CAMK1D: variants seen among roughly 807,000 people sequenced by gnomAD.
CAMK1D encodes calcium/calmodulin-dependent protein kinase type 1D.
CAMK1D carries 9 observed loss-of-function variants against 47.7 expected under a neutral mutation model. The observed-to-expected ratio is 0.19, with a 90% CI of 0.11 to 0.33. CAMK1D has a LOEUF of 0.33. CAMK1D is among the 10% of genes least tolerant of loss of function. The pLI is 1.00. For missense variants in CAMK1D, 291 were observed against 488.7 expected (o/e 0.60, Z 3.81); for synonymous variants, 184 against 184.9 (o/e 0.99, Z 0.04).
intron 1 of CAMK1D, among the ~76,000 whole-genome samples, chr10:12,462,167 T>TGC (rs1833450815): frequency 6.9e-6 from 1 of 144,208 alleles, no homozygotes; most frequent in Non-Finnish European, 1.5e-5. Flanking sequence ...TTTTTTTTTT[T>TGC]TTTTTTTTTT....
intron 3 of CAMK1D, among the ~76,000 whole-genome samples, chr10:12,680,930 C>T (rs921750933): frequency 6.6e-6 from 1 of 151,886 alleles, no homozygotes; most frequent in African/African-American, 2.4e-5. Context: ...TCAGGCCTCA[C>T]GCTCTGTTCC....
rs61852163 is a variant in CAMK1D, at chr10:12,816,550, A to G, written c.833+222A>G. ...AGCACCATGAGAAGTTAGTATGTGT[A>G]TTCGTCCTTTTTCACGCTGCTGATA... On this transcript the variant is annotated intron_variant, in intron 8 of 10. Coordinates refer to ENST00000619168, the MANE Select transcript of CAMK1D (RefSeq NM_153498.4). Among the ~76,000 whole-genome samples the G allele has an allele frequency of 0.016, 2,387 of 152,156 alleles. 45 individuals are homozygous for G. The highest frequency in any genetic ancestry group is 0.027 in the Middle Eastern group (8 of 294).
Position 12,662,651 on chromosome 10 carries a change from C to CA in CAMK1D, c.225-4072dup, listed in dbSNP as rs56807588. The stretch of plus-strand genomic sequence containing the variant: ...TCGGAGACAGAGCAACACTCTGCCT[C>CA]AAAAAAAAAAAAAGGAGATTGTGTT... On this transcript the variant is annotated intron_variant, in intron 2 of 10. Transcript: ENST00000619168. Among the ~76,000 whole-genome samples, 941 of 140,480 alleles carry CA rather than the reference C, an allele frequency of 6.7e-3. 12 individuals carry two copies. The highest frequency in any genetic ancestry group is 0.024 in the Middle Eastern group (6 of 250). The allele number at this position is 140,480 out of a possible 152,430, so 92.2% of individuals were successfully genotyped here.
rs1409042962 is a variant in CAMK1D, at chr10:12,547,647, C to CCCCG, written c.93-5576_93-5575insCGCC. Among the ~76,000 whole-genome samples the CCCCG allele has an allele frequency of 1.6e-4, 18 of 112,352 alleles. No individual in the cohort carries two copies. In the East Asian group the frequency reaches 4.4e-3, roughly 27 times the overall value. 73.7% of individuals were successfully genotyped at this position (112,352 alleles called of 152,430 possible). On this transcript the variant is annotated intron_variant, in intron 1 of 10. Coordinates refer to ENST00000619168, the MANE Select transcript of CAMK1D (RefSeq NM_153498.4). ...TTTCCTGTCACGAGGACACCCCCCCCCCAACCCTGCACTCTCTCTCTCTCT... is the reference window on the plus strand; with the variant it reads ...TTTCCTGTCACGAGGACACCCCCCCCCCCGCCAACCCTGCACTCTCTCTCTCTCT...
In CAMK1D at chr10:12,349,923, C is replaced by A; in HGVS notation, c.92+13C>A. 6.6e-7 allele frequency: 1 copy of A among 1,513,190 alleles called. No individual in the cohort carries two copies. Among genetic ancestry groups the A allele is most frequent in the South Asian group, 1.2e-5 (1 of 85,038 alleles). The allele number at this position is 1,513,190 out of a possible 1,614,324, so 93.7% of individuals were successfully genotyped here. A position where few individuals can be genotyped will look rare whatever the true frequency, so the allele number is the denominator to read the frequency against. ...AGACCCTCGGAACGTAAGTGGGGAC[C>A]GGGGAGGCGAGGGTGGAGGTGGCCG... On this transcript the variant is annotated intron_variant, in intron 1 of 10. Transcript: ENST00000619168.
At chr10:12,481,011 G>A (rs1451066630) in intron 1 of CAMK1D, among the ~76,000 whole-genome samples, 1 of 152,174 alleles carries the variant, frequency 6.6e-6, no homozygotes, top group Non-Finnish European at 1.5e-5. Flanking sequence ...TTAGTTTATA[G>A]TTTAAATGAT....
intron 2 of CAMK1D, among the ~76,000 whole-genome samples, chr10:12,607,165 G>A (rs776893392): frequency 2.0e-5 from 3 of 152,072 alleles, no homozygotes; most frequent in African/African-American, 7.2e-5. Context: ...CATCTCTCTC[G>A]TCCATACGTG....
intron 1 of CAMK1D, among the ~76,000 whole-genome samples, chr10:12,446,108 A>G (rs1588493897): frequency 6.6e-6 from 1 of 152,302 alleles, no homozygotes; most frequent in East Asian, 1.9e-4. Flanking sequence ...GTTACAGAAA[A>G]GGGGTCATGA....
intron 1 of CAMK1D, among the ~76,000 whole-genome samples, chr10:12,509,042 G>A (rs1834963091): frequency 6.6e-6 from 1 of 152,176 alleles, no homozygotes; most frequent in African/African-American, 2.4e-5. Context: ...GAGAGGGGAT[G>A]TGGGGACAGA....
chr10:12,686,831 G>C (rs1190118632), intron 3 of CAMK1D, among the ~76,000 whole-genome samples: 1 of 152,020 alleles, frequency 6.6e-6, no homozygotes, highest in East Asian at 1.9e-4. Flanking sequence ...GATTAAACAG[G>C]CTCTATTTGT....
chr10:12,413,809 A>G (rs1364263188), intron 1 of CAMK1D, among the ~76,000 whole-genome samples: 1 of 152,170 alleles, frequency 6.6e-6, no homozygotes, highest in African/African-American at 2.4e-5. Context: ...ATATTTTCAC[A>G]GTTTGGAGAT....
At chr10:12,496,759 A>G (rs767238967) in intron 1 of CAMK1D, among the ~76,000 whole-genome samples, 1 of 152,168 alleles carries the variant, frequency 6.6e-6, no homozygotes, top group Non-Finnish European at 1.5e-5. Flanking sequence ...TCTGAGGTCC[A>G]TGTGCAGGAT....
At chr10:12,646,560 G>A (rs972632598) in intron 2 of CAMK1D, among the ~76,000 whole-genome samples, 3 of 152,104 alleles carry the variant, frequency 2.0e-5, no homozygotes, top group Admixed American at 2.0e-4. Context: ...GAAAATGACC[G>A]AACTTCCTTG....
intron 3 of CAMK1D, among the ~76,000 whole-genome samples, chr10:12,685,125 A>AC (rs1230702049): frequency 2.0e-5 from 3 of 152,020 alleles, no homozygotes; most frequent in Admixed American, 6.6e-5. Flanking sequence ...ACATGGTGAA[A>AC]CCCCGTCTGT....
chr10:12,604,937 G>C (rs1056621658), intron 2 of CAMK1D, among the ~76,000 whole-genome samples: 4 of 151,628 alleles, frequency 2.6e-5, no homozygotes, highest in African/African-American at 9.7e-5. Context: ...GCCCAGGCTG[G>C]AGTGCAATGG....
chr10:12,507,646 A>G (rs1834916448), intron 1 of CAMK1D, among the ~76,000 whole-genome samples: 1 of 152,142 alleles, frequency 6.6e-6, no homozygotes, highest in African/African-American at 2.4e-5. Flanking sequence ...CATTGCACAG[A>G]GGCACTGCGG....
rs372415556 is a variant in CAMK1D, at chr10:12,402,852, A to G, written c.92+52942A>G. On this transcript the variant is annotated intron_variant, in intron 1 of 10. Transcript: ENST00000619168. ...TGGTGATTGGTGCCTTCTACTGAGGATATACACAGGACCAGGTTTATGTGG... is the reference window on the plus strand; with the variant it reads ...TGGTGATTGGTGCCTTCTACTGAGGGTATACACAGGACCAGGTTTATGTGG... Among the ~76,000 whole-genome samples, 6 of 152,074 alleles carry G rather than the reference A, an allele frequency of 3.9e-5. No homozygotes were observed. The South Asian group carries it at 1.3e-3, about 32-fold the overall frequency.
At chr10:12,790,830 A>G (rs894485361) in intron 5 of CAMK1D, among the ~76,000 whole-genome samples, 1 of 151,962 alleles carries the variant, frequency 6.6e-6, no homozygotes, top group Non-Finnish European at 1.5e-5. Flanking sequence ...ATCTCTTAAA[A>G]AAAAAGAAAA....
At chr10:12,792,100 T>C (rs1838004868) in intron 6 of CAMK1D, among the ~76,000 whole-genome samples, 1 of 152,232 alleles carries the variant, frequency 6.6e-6, no homozygotes, top group Non-Finnish European at 1.5e-5. Context: ...CCACTTTGGC[T>C]TTTTGGTGGA....
Sources: gnomAD v4.1 joint callset for allele counts (sites outside exome capture counted in the v4.1 genomes callset) on GRCh38, gnomAD v4.1.1 for gene constraint, MANE v1.5 for transcripts, NCBI Gene and HGNC (gene_info 2026-07-23, HGNC 2026-07-21) for gene names.